CNTN3: variants seen among roughly 807,000 people sequenced by gnomAD.
CNTN3 encodes the protein contactin 3, also known as contactin-3.
A neutral mutation model predicts 119.1 loss-of-function variants in CNTN3; 60 were observed. The ratio of observed to expected loss-of-function variants is 0.50; its 90% CI spans 0.41 to 0.62. The LOEUF is 0.62. Among genes scored for constraint, CNTN3 ranks in the 20% least tolerant of loss-of-function variants. CNTN3 has a pLI of 0.00. For missense variants in CNTN3, 1,101 were observed against 1,242.4 expected (o/e 0.89, Z 1.71); for synonymous variants, 450 against 438.7 (o/e 1.03, Z -0.32).
intron 1 of CNTN3, among the ~76,000 whole-genome samples, chr3:74,605,522 G>C (rs981361285): frequency 7.2e-5 from 11 of 152,122 alleles, no homozygotes; most frequent in Non-Finnish European, 1.5e-4. Context: ...TGATGATTTT[G>C]AATTTGACCT....
intron 5 of CNTN3, among the ~76,000 whole-genome samples, chr3:74,371,913 G>A (rs1468166166): frequency 1.3e-5 from 2 of 151,988 alleles, no homozygotes; most frequent in Non-Finnish European, 2.9e-5. Flanking sequence ...TGCTTCTGGG[G>A]CCTACAACTC....
In CNTN3 at chr3:74,522,685, C is replaced by T. The variant is rs539061449; in HGVS notation, c.-80-1493G>A. Among the ~76,000 whole-genome samples, 14 of 151,410 alleles carry T rather than the reference C, an allele frequency of 9.2e-5. No homozygotes were observed. The South Asian group carries it at 1.9e-3, about 20-fold the overall frequency. ...AAGAGTCATCCCTGAGTTATTCTTG[C>T]AAAGGGGCAAGGCAGCACCAGTTCC... On this transcript the variant is annotated intron_variant, in intron 1 of 22. Coordinates refer to ENST00000263665, the MANE Select transcript of CNTN3 (RefSeq NM_020872.3).
At chr3:74,601,212 T>C (rs9812559) in intron 1 of CNTN3, among the ~76,000 whole-genome samples, 29,788 of 151,868 alleles carry the variant, frequency 0.2, 5,416 homozygotes, top group African/African-American at 0.47. Context: ...ACAATAGATT[T>C]ATACAGTAGA....
chr3:74,427,321 C>A (rs1382353951), intron 4 of CNTN3, among the ~76,000 whole-genome samples: 1 of 152,162 alleles, frequency 6.6e-6, no homozygotes, highest in Non-Finnish European at 1.5e-5. Flanking sequence ...ACAAGCAGAA[C>A]CTGGCCAAGT....
intron 4 of CNTN3, among the ~76,000 whole-genome samples, chr3:74,461,890 T>A (rs1026554942): frequency 6.6e-6 from 1 of 152,106 alleles, no homozygotes; most frequent in Non-Finnish European, 1.5e-5. Context: ...ACTGACCACA[T>A]GGATATTAAG....
intron 4 of CNTN3, among the ~76,000 whole-genome samples, chr3:74,481,806 T>G: frequency 6.6e-6 from 1 of 151,750 alleles, no homozygotes; most frequent in East Asian, 1.9e-4. Context: ...CATCAAATTC[T>G]AACAAATTAT....
chr3:74,343,961 A>G (rs965647252), intron 11 of CNTN3, among the ~76,000 whole-genome samples: 12 of 152,220 alleles, frequency 7.9e-5, no homozygotes, highest in Admixed American at 2.6e-4. Flanking sequence ...CAAAATAATC[A>G]TTACTTCACT....
intron 20 of CNTN3, among the ~76,000 whole-genome samples, chr3:74,275,212 T>C (rs888686747): frequency 6.6e-6 from 1 of 152,182 alleles, no homozygotes; most frequent in African/African-American, 2.4e-5. Context: ...TCTAAAAGTT[T>C]GGAAAACATA....
In CNTN3 at chr3:74,524,061, G is replaced by A. The variant is rs75724336; in HGVS notation, c.-80-2869C>T. On this transcript the variant is annotated intron_variant, in intron 1 of 22. Transcript: ENST00000263665. Reference sequence around the variant, plus strand: ...GAACCAAAGGATAAGTCACAGCATGGGAACTGGCCACCATGTGAAAATTGT... The same window carrying A: ...GAACCAAAGGATAAGTCACAGCATGAGAACTGGCCACCATGTGAAAATTGT... Among the ~76,000 whole-genome samples, 472 of 151,962 alleles carry A rather than the reference G, an allele frequency of 3.1e-3. 5 individuals carry two copies. Among genetic ancestry groups the A allele is most frequent in the African/African-American group, 0.011 (460 of 41,506 alleles).
intron 19 of CNTN3, among the ~76,000 whole-genome samples, chr3:74,294,477 C>A (rs1186340624): frequency 6.6e-6 from 1 of 152,158 alleles, no homozygotes. Context: ...AGAATGTTTT[C>A]CACTCCTTCC....
intron 1 of CNTN3, among the ~76,000 whole-genome samples, chr3:74,594,026 T>C (rs57286777): frequency 1.3e-5 from 2 of 151,560 alleles, no homozygotes; most frequent in Non-Finnish European, 2.9e-5. Flanking sequence ...GAAGAGAAGA[T>C]ATGAAACTCC....
chr3:74,427,272 G>A (rs527743859), intron 4 of CNTN3, among the ~76,000 whole-genome samples: 4 of 152,252 alleles, frequency 2.6e-5, no homozygotes, highest in Non-Finnish European at 4.4e-5. Flanking sequence ...AGTACACAGA[G>A]GACTGCATAG....
intron 2 of CNTN3, among the ~76,000 whole-genome samples, chr3:74,515,138 A>G (rs1703430139): frequency 6.6e-6 from 1 of 152,094 alleles, no homozygotes; most frequent in Admixed American, 6.6e-5. Flanking sequence ...GGGATACCCC[A>G]CAGGATTTTT....
chr3:74,505,554 G>C (rs1043414862), intron 2 of CNTN3, among the ~76,000 whole-genome samples: 2 of 150,394 alleles, frequency 1.3e-5, no homozygotes, highest in Non-Finnish European at 3.0e-5. Context: ...TTACAGAAAA[G>C]GCAACCCAGA....
At chr3:74,602,432 T>C (rs1704926913) in intron 1 of CNTN3, among the ~76,000 whole-genome samples, 1 of 152,096 alleles carries the variant, frequency 6.6e-6, no homozygotes, top group South Asian at 2.1e-4. Flanking sequence ...GGGGGCTTTT[T>C]TCTACATAGA....
intron 8 of CNTN3, among the ~76,000 whole-genome samples, chr3:74,366,776 GTGTGTA>G (rs1183926078): frequency 1.7e-4 from 6 of 35,604 alleles, no homozygotes; most frequent in African/African-American, 7.4e-4. Context: ...GTGTGTGTGT[GTGTGTA>G]TATATATATA....
intron 3 of CNTN3, among the ~76,000 whole-genome samples, chr3:74,494,026 A>G (rs1347661703): frequency 6.6e-6 from 1 of 152,166 alleles, no homozygotes; most frequent in Non-Finnish European, 1.5e-5. Flanking sequence ...CCTGGTTCAT[A>G]TCAATCAGGG....
At chr3:74,501,946 A>C (rs1703173786) in intron 2 of CNTN3, among the ~76,000 whole-genome samples, 1 of 152,184 alleles carries the variant, frequency 6.6e-6, no homozygotes, top group African/African-American at 2.4e-5. Context: ...AGAAATAATA[A>C]GTAAAAACAA....
Position 74,301,286 on chromosome 3 carries a change from T to C in CNTN3, c.2095+112A>G, listed in dbSNP as rs2106816862. On this transcript the variant is annotated intron_variant, in intron 16 of 22. Coordinates refer to ENST00000263665, the MANE Select transcript of CNTN3 (RefSeq NM_020872.3). ...TCTGCCATTAGAAAGGTTAGATAAC[T>C]GCAACAATGGATTATTGAGGCTGAC... The C allele has an allele frequency of 2.7e-6, 3 of 1,117,952 alleles. No individual in the cohort carries two copies. The South Asian group carries it at 4.5e-5, about 17-fold the overall frequency. 69.3% of individuals were successfully genotyped at this position (1,117,952 alleles called of 1,614,324 possible).
Sources: allele counts gnomAD v4.1 joint callset (sites outside exome capture counted in the v4.1 genomes callset), GRCh38; gene constraint gnomAD v4.1.1; transcripts MANE v1.5; gene names NCBI Gene and HGNC (gene_info 2026-07-23, HGNC 2026-07-21).